The following CREB5 variants were observed in gnomAD, a reference collection of about 807,000 sequenced individuals.
The protein encoded by CREB5 is cyclic AMP-responsive element-binding protein 5.
Under a neutral mutation model 57.1 loss-of-function variants are expected in CREB5, and 19 were observed. The ratio of observed to expected loss-of-function variants is 0.33; its 90% confidence interval spans 0.23 to 0.49. The LOEUF is 0.49. Ranked by LOEUF, CREB5 falls within the 20% of genes least tolerant of loss-of-function variation. CREB5 has a pLI of 0.99. For synonymous variants in CREB5, 238 were observed against 238.3 expected, an observed-to-expected ratio of 1.00 and a Z score of 0.01; for missense variants, 579 against 671.6, an observed-to-expected ratio of 0.86 and a Z score of 1.52.
At chr7:28,474,258 A>G (rs1049497045) in intron 1 of CREB5, among the ~76,000 whole-genome samples, 7 of 152,188 alleles carry the variant, frequency 4.6e-5, no homozygotes, top group Non-Finnish European at 8.8e-5. Context: ...TCTGGAGAAT[A>G]AGTGAGTTTG....
At chr7:28,668,579 G>A (rs901286468) in intron 5 of CREB5, among the ~76,000 whole-genome samples, 17 of 152,156 alleles carry the variant, frequency 1.1e-4, no homozygotes, top group African/African-American at 1.7e-4. Context: ...CTTTAATATA[G>A]TAAGGAAGGG....
At chr7:28,779,697 A>G (rs1392814248) in intron 7 of CREB5, among the ~76,000 whole-genome samples, 1 of 152,168 alleles carries the variant, frequency 6.6e-6, no homozygotes, top group African/African-American at 2.4e-5. Flanking sequence ...CCAAAAAGCT[A>G]TTTGTCATCT....
chr7:28,560,875 C>CGCGTGCGTGCGCGCGCGCGCGTGCGCGT (rs1795127001), intron 4 of CREB5, among the ~76,000 whole-genome samples: 2 of 19,220 alleles, frequency 1.0e-4, no homozygotes, highest in Non-Finnish European at 2.0e-4. Context: ...CCTGCGTGCG[C>CGCGTGCGTGCGCGCGCGCGCGTGCGCGT]GTGCGTGCGT....
chr7:28,448,590 T>A (rs965212823), intron 1 of CREB5, among the ~76,000 whole-genome samples: 10 of 152,224 alleles, frequency 6.6e-5, no homozygotes, highest in African/African-American at 2.2e-4. Flanking sequence ...TCTGAAGGAC[T>A]TTTCAGATAT....
chr7:28,547,086 G>A (rs920370558), intron 4 of CREB5, among the ~76,000 whole-genome samples: 4 of 152,176 alleles, frequency 2.6e-5, no homozygotes, highest in African/African-American at 9.7e-5. Context: ...GTGGGATGTG[G>A]GCTTCCATGT....
At chr7:28,700,972 A>C (rs956580624) in intron 5 of CREB5, among the ~76,000 whole-genome samples, 20 of 151,882 alleles carry the variant, frequency 1.3e-4, no homozygotes, top group African/African-American at 4.6e-4. Flanking sequence ...AAAAAAAAAA[A>C]AAAACAACCC....
At chr7:28,428,008 G>A (rs968777731) in intron 1 of CREB5, among the ~76,000 whole-genome samples, 5 of 152,206 alleles carry the variant, frequency 3.3e-5, no homozygotes, top group African/African-American at 1.2e-4. Context: ...AGCCAGGGAA[G>A]TGGATCAAGT....
At chr7:28,492,344 C>CT (rs1791842577) in intron 2 of CREB5, among the ~76,000 whole-genome samples, 1 of 152,162 alleles carries the variant, frequency 6.6e-6, no homozygotes, top group South Asian at 2.1e-4. Flanking sequence ...ATCTTTGTCT[C>CT]AGAAGGAAGA....
At chr7:28,758,326 G>T (rs1004105783) in intron 7 of CREB5, among the ~76,000 whole-genome samples, 1 of 152,186 alleles carries the variant, frequency 6.6e-6, no homozygotes, top group African/African-American at 2.4e-5. Context: ...CGGCTTGGCC[G>T]TGGTTTGGCA....
chr7:28,613,529 G>A (rs2128679180), intron 5 of CREB5, among the ~76,000 whole-genome samples: 1 of 152,354 alleles, frequency 6.6e-6, no homozygotes, highest in African/African-American at 2.4e-5. Context: ...TGAATTGAAT[G>A]AAGAATGATT....
intron 4 of CREB5, among the ~76,000 whole-genome samples, chr7:28,518,535 C>T (rs1793070202): frequency 6.6e-6 from 1 of 152,186 alleles, no homozygotes; most frequent in Non-Finnish European, 1.5e-5. Context: ...CCAGGCATTC[C>T]TGTCCATTGC....
chr7:28,483,060 AG>A (rs1344782459), intron 1 of CREB5, among the ~76,000 whole-genome samples: 2 of 152,356 alleles, frequency 1.3e-5, no homozygotes, highest in Non-Finnish European at 2.9e-5. Context: ...GGCTGATTAC[AG>A]CAAACCAGAT....
rs550571407 is a variant in CREB5 at position 28,491,972 on chromosome 7, T to C, written c.76-2934T>C. The stretch of plus-strand genomic sequence containing the variant: ...TAGCTCTGTTAGGAATGGCCTATAA[T>C]ACGTGGGAGGTTTTTTTGTTTTTTG... On this transcript the variant is annotated intron_variant, in intron 2 of 10. Transcript: ENST00000357727. 8.0e-4 allele frequency among the ~76,000 whole-genome samples: 122 copies of C among 152,202 alleles called. 1 individual carries two copies. The highest frequency in any genetic ancestry group is 1.5e-3 in the Non-Finnish European group (99 of 68,036).
At position 28,560,961 on chromosome 7, in the gene CREB5, C is replaced by CGT. The variant is rs1255407006; in HGVS notation, c.292-9394_292-9393dup. Among the ~76,000 whole-genome samples, 9 of 23,934 alleles carry CGT rather than the reference C, an allele frequency of 3.8e-4. 1 individual carries two copies. Among genetic ancestry groups the CGT allele is most frequent in the South Asian group, 4.7e-3 (2 of 426 alleles). The allele number at this position is 23,934 out of a possible 152,430, so 15.7% of individuals were successfully genotyped here. A position where few individuals can be genotyped will look rare whatever the true frequency, so the allele number is the denominator to read the frequency against. Reference sequence around the variant, plus strand: ...GCGTGCGTGTGTGTGCGTGTGTGTGCGTGTGTGTGTGCGTGTGTGCGTGCG... The same window carrying CGT: ...GCGTGCGTGTGTGTGCGTGTGTGTGCGTGTGTGTGTGTGCGTGTGTGCGTGCG... On this transcript the variant is annotated intron_variant, in intron 4 of 10. Coordinates refer to ENST00000357727, the MANE Select transcript of CREB5 (RefSeq NM_182898.4).
intron 5 of CREB5, among the ~76,000 whole-genome samples, chr7:28,648,708 C>T (rs1799005042): frequency 6.6e-6 from 1 of 152,004 alleles, no homozygotes; most frequent in Non-Finnish European, 1.5e-5. Flanking sequence ...TGCTACTGCA[C>T]TCCAGCCTGG....
intron 1 of CREB5, among the ~76,000 whole-genome samples, chr7:28,464,747 A>G (rs1790495374): frequency 6.6e-6 from 1 of 151,832 alleles, no homozygotes; most frequent in Non-Finnish European, 1.5e-5. Flanking sequence ...TTTTGAAAAT[A>G]CTACCATGAG....
At chr7:28,651,960 C>T (rs1799144551) in intron 5 of CREB5, among the ~76,000 whole-genome samples, 1 of 152,088 alleles carries the variant, frequency 6.6e-6, no homozygotes, top group African/African-American at 2.4e-5. Context: ...GCCTCAGCTT[C>T]CTCACTTGTA....
chr7:28,459,303 C>T (rs1410025074), intron 1 of CREB5, among the ~76,000 whole-genome samples: 1 of 152,148 alleles, frequency 6.6e-6, no homozygotes, highest in Non-Finnish European at 1.5e-5. Flanking sequence ...TCAGTCAGAA[C>T]TTGAGTTTTC....
At chr7:28,716,570 G>C (rs1235418106) in intron 5 of CREB5, among the ~76,000 whole-genome samples, 1 of 152,172 alleles carries the variant, frequency 6.6e-6, no homozygotes, top group Admixed American at 6.5e-5. Flanking sequence ...TCTCATTATG[G>C]AGGTAGGGAG....
Sources: gnomAD v4.1 joint callset for allele counts (sites outside exome capture counted in the v4.1 genomes callset) on GRCh38, gnomAD v4.1.1 for gene constraint, MANE v1.5 for transcripts, NCBI Gene and HGNC (gene_info 2026-07-23, HGNC 2026-07-21) for gene names.